Variants in ZFR observed in about 807,000 individuals in gnomAD.
ZFR encodes the protein zinc finger RNA binding protein.
ZFR carries 19 observed loss-of-function variants against 130.7 expected under a neutral mutation model. The ratio of observed to expected loss-of-function variants is 0.15; its 90% CI spans 0.10 to 0.21. The LOEUF (loss-of-function observed/expected upper bound fraction) is 0.21. ZFR is among the 10% of genes least tolerant of loss of function. The pLI, the probability that ZFR is intolerant of heterozygous loss-of-function variation, is 1.00. For synonymous variants in ZFR, 466 were observed against 456.9 expected (o/e 1.02, Z -0.25); for missense variants, 872 against 1,321.5 (o/e 0.66, Z 5.27).
At chr5:32,428,495 G>A (rs1754125375) in intron 2 of ZFR, among the ~76,000 whole-genome samples, 1 of 152,196 alleles carries the variant, frequency 6.6e-6, no homozygotes, top group African/African-American at 2.4e-5. Context: ...GATCACTTGA[G>A]CCTAGGAGGA....
intron 5 of ZFR, among the ~76,000 whole-genome samples, chr5:32,408,363 G>A (rs1011477175): frequency 2.0e-5 from 3 of 146,794 alleles, no homozygotes; most frequent in African/African-American, 7.6e-5. Flanking sequence ...TTTCAGCACT[G>A]TTGGCCTCTG....
chr5:32,402,908 T>A (rs958812835), intron 8 of ZFR, among the ~76,000 whole-genome samples, 198 bp downstream of exon 8: 1 of 151,862 alleles, frequency 6.6e-6, no homozygotes, highest in Non-Finnish European at 1.5e-5. Context: ...TATATCTGTA[T>A]GGCTGAAGGG....
chr5:32,401,363 C>T (rs758551611), intron 8 of ZFR, among the ~76,000 whole-genome samples: 4 of 152,018 alleles, frequency 2.6e-5, no homozygotes, highest in African/African-American at 2.4e-5. Flanking sequence ...CTGAATATTG[C>T]GGAAATTTAG....
At chr5:32,375,762 C>T (rs949278263) in intron 17 of ZFR, among the ~76,000 whole-genome samples, 4 of 152,160 alleles carry the variant, frequency 2.6e-5, no homozygotes, top group African/African-American at 7.2e-5. Flanking sequence ...CTGCCTCGGG[C>T]CTCTCAAATA....
At chr5:32,367,221 G>A (rs1375975307) in intron 17 of ZFR, among the ~76,000 whole-genome samples, 10 of 152,162 alleles carry the variant, frequency 6.6e-5, no homozygotes, top group African/African-American at 1.7e-4. Flanking sequence ...ATCACCTGAC[G>A]TGAGGAGTTT....
intron 1 of ZFR, 121 bp downstream of exon 1, chr5:32,444,501 C>G (rs1017500378): frequency 1.5e-6 from 2 of 1,318,460 alleles, no homozygotes; most frequent in East Asian, 3.1e-5. Flanking sequence ...CTCACTCACT[C>G]GCACGCCCGG....
intron 6 of ZFR, among the ~76,000 whole-genome samples, chr5:32,406,512 A>G (rs141488820): frequency 1.4e-3 from 210 of 152,340 alleles, no homozygotes; most frequent in African/African-American, 4.1e-3. Context: ...AAATTTTAAA[A>G]CTAAATTTAA....
chr5:32,396,822 A>G (rs1753325102), intron 10 of ZFR, among the ~76,000 whole-genome samples: 1 of 152,206 alleles, frequency 6.6e-6, no homozygotes. Flanking sequence ...TTCCTACGCT[A>G]AGATAAGTGA....
intron 17 of ZFR, among the ~76,000 whole-genome samples, chr5:32,368,570 G>A (rs2111674907): frequency 6.6e-6 from 1 of 152,252 alleles, no homozygotes; most frequent in South Asian, 2.1e-4. Flanking sequence ...AATTAGCCCA[G>A]CAATGGCAGT....
intron 11 of ZFR, among the ~76,000 whole-genome samples, chr5:32,392,856 G>A (rs923623488): frequency 9.9e-5 from 15 of 152,282 alleles, no homozygotes; most frequent in East Asian, 3.9e-4. Context: ...TTAGCCAGGC[G>A]TGATGGCAGG....
At chr5:32,395,027 A>C (rs1474924095) in intron 11 of ZFR, 132 bp downstream of exon 11, 2 of 1,269,304 alleles carry the variant, frequency 1.6e-6, no homozygotes, top group Non-Finnish European at 2.1e-6. Flanking sequence ...TAGACCTAGG[A>C]TCTTCCTCAA....
intron 17 of ZFR, among the ~76,000 whole-genome samples, chr5:32,366,144 AT>A (rs1002770032): frequency 6.6e-6 from 1 of 152,232 alleles, no homozygotes; most frequent in Non-Finnish European, 1.5e-5. Flanking sequence ...ACATGGAATG[AT>A]TTTGGAAAGA....
chr5:32,380,110 C>G lies in ZFR; in HGVS notation c.2704G>C (p.Ala902Pro). 1 of 1,614,046 alleles carries G rather than the reference C, an allele frequency of 6.2e-7. No individual in the cohort carries two copies. Among genetic ancestry groups the G allele is most frequent in the Non-Finnish European group, 8.5e-7 (1 of 1,179,948 alleles). The stretch of plus-strand genomic sequence containing the variant: ...TTAGCGTGGCGTAGAGCAGCCAGAG[C>G]GTCAAGGCATTTTTGCCTGTCCAAG... ...DVLDRQKCLDALAALRHAKWF... is the reference protein window; with the variant it reads ...DVLDRQKCLDPLAALRHAKWF... Residue 902 changes from alanine (A) to proline (P), a missense_variant, in exon 16 of 20, where the codon GCT (alanine) becomes CCT (proline). Ala to Pro is a conservative substitution (Grantham distance 27). Transcript: ENST00000265069.
At chr5:32,433,918 C>T (rs922361173) in intron 2 of ZFR, among the ~76,000 whole-genome samples, 15 of 152,080 alleles carry the variant, frequency 9.9e-5, no homozygotes, top group Admixed American at 7.2e-4. Context: ...CCCATCTCTA[C>T]AAAAATAAGC....
chr5:32,436,687 G>A (rs999887440), intron 2 of ZFR, among the ~76,000 whole-genome samples: 3 of 151,920 alleles, frequency 2.0e-5, no homozygotes, highest in African/African-American at 7.3e-5. Context: ...TGCTGTTCAC[G>A]CTAGTCTCAA....
At position 32,444,234 on chromosome 5, in the gene ZFR, T is replaced by G. The variant is rs1206519865; in HGVS notation, c.132A>C (p.Gln44His). The G allele has an allele frequency of 6.3e-7, 1 of 1,591,898 alleles. No homozygotes were observed. Among genetic ancestry groups the G allele is most frequent in the Non-Finnish European group, 8.5e-7 (1 of 1,170,880 alleles). ...SGAAAAAAAA[Q>H]YSQQPASGVA... ...AGAAGGCAGGATGCCGTTACCTATATTGGGCCGCAGCCGCCGCCGCCGCCG... is the reference window on the plus strand; with the variant it reads ...AGAAGGCAGGATGCCGTTACCTATAGTGGGCCGCAGCCGCCGCCGCCGCCG... The change falls in exon 2 of 20, where the codon CAA (glutamine) becomes CAC (histidine). Residue 44 changes from glutamine to histidine, a missense_variant. By Grantham distance (24) the Gln-to-His change is conservative. This residue lies in a region of ZFR where 240 missense variants were observed against 441.2 expected (regional missense o/e 0.54). Coordinates refer to ENST00000265069, the MANE Select transcript of ZFR (RefSeq NM_016107.5).
chr5:32,439,057 A>T (rs917567424), intron 2 of ZFR, among the ~76,000 whole-genome samples: 3 of 152,226 alleles, frequency 2.0e-5, no homozygotes, highest in African/African-American at 7.2e-5. Context: ...CCTATTCTAT[A>T]CAGGGATATT....
chr5:32,395,009 G>T, intron 11 of ZFR, 150 bp downstream of exon 11: 1 of 1,110,422 alleles, frequency 9.0e-7, no homozygotes, highest in Non-Finnish European at 1.2e-6. Flanking sequence ...TTTAATGCAT[G>T]TCTTTCCTAG....
chr5:32,378,099 T>C (rs1303172570), intron 17 of ZFR, among the ~76,000 whole-genome samples: 1 of 152,228 alleles, frequency 6.6e-6, no homozygotes, highest in Non-Finnish European at 1.5e-5. Flanking sequence ...TTTGAAATTT[T>C]CAATGACCCA....
Sources: allele counts gnomAD v4.1 joint callset (sites outside exome capture counted in the v4.1 genomes callset), GRCh38; gene constraint gnomAD v4.1.1; regional missense constraint gnomAD v4.1.1; transcripts MANE v1.5; gene names NCBI Gene and HGNC (gene_info 2026-07-23, HGNC 2026-07-21).